TRIO: variants seen among roughly 807,000 people sequenced by gnomAD.
TRIO encodes the protein triple functional domain protein.
TRIO carries 58 observed loss-of-function variants against 351.9 expected under a neutral mutation model. The observed-to-expected ratio is 0.16, with a 90% CI of 0.13 to 0.21. TRIO has a LOEUF of 0.21. Ranked by LOEUF, TRIO falls within the 10% of genes least tolerant of loss-of-function variation. The probability of loss-of-function intolerance (pLI) is 1.00; values close to 1 mark genes in which losing one functional copy is unlikely to be tolerated. For missense variants in TRIO, 3,201 were observed against 4,027.8 expected, an observed-to-expected ratio of 0.79 and a Z score of 5.56; for synonymous variants, 1,758 against 1,595.7, an observed-to-expected ratio of 1.10 and a Z score of -2.42.
chr5:14,159,649 A>G (rs181588228), intron 1 of TRIO, among the ~76,000 whole-genome samples: 47 of 151,534 alleles, frequency 3.1e-4, no homozygotes, highest in Middle Eastern at 3.4e-3. Flanking sequence ...GCTCACTGCA[A>G]CCTCCATCTC....
At chr5:14,339,361 T>G (rs1741727614) in intron 11 of TRIO, among the ~76,000 whole-genome samples, 1 of 152,236 alleles carries the variant, frequency 6.6e-6, no homozygotes, top group African/African-American at 2.4e-5. Flanking sequence ...GAGTCTGTAT[T>G]GTCACTAGGT....
chr5:14,199,910 C>T (rs1561193427), intron 1 of TRIO, among the ~76,000 whole-genome samples: 1 of 152,056 alleles, frequency 6.6e-6, no homozygotes, highest in Non-Finnish European at 1.5e-5. Flanking sequence ...TAGAATGAGC[C>T]GAGACAGACT....
chr5:14,223,672 C>CG (rs1351351355), intron 1 of TRIO, among the ~76,000 whole-genome samples: 4 of 152,158 alleles, frequency 2.6e-5, no homozygotes, highest in African/African-American at 9.7e-5. Flanking sequence ...GCCAAGTTTC[C>CG]GGGAAGCAGG....
chr5:14,312,562 T>C (rs1390427991), intron 8 of TRIO, among the ~76,000 whole-genome samples: 1 of 152,230 alleles, frequency 6.6e-6, no homozygotes, highest in Non-Finnish European at 1.5e-5. Context: ...TCAAAAATTA[T>C]TATAGGAAAG....
intron 31 of TRIO, among the ~76,000 whole-genome samples, chr5:14,403,800 T>A (rs1226841700): frequency 4.7e-5 from 5 of 105,596 alleles, no homozygotes; most frequent in Admixed American, 9.3e-5. Flanking sequence ...TAGGTTGTGG[T>A]GGTGAGGGTG....
At chr5:14,498,055 C>G in intron 51 of TRIO, 34 bp from the exon 52 acceptor site, 5 of 1,613,796 alleles carry the variant, frequency 3.1e-6, no homozygotes, top group Non-Finnish European at 4.2e-6. Context: ...GGAGCCAGGG[C>G]TGATGGGCCT....
chr5:14,256,842 C>T (rs1469725096), intron 1 of TRIO, among the ~76,000 whole-genome samples: 1 of 152,224 alleles, frequency 6.6e-6, no homozygotes, highest in African/African-American at 2.4e-5. Flanking sequence ...ACAAAACCAT[C>T]TGGCCTGGCT....
At chr5:14,486,511 C>T (rs915885517) in intron 47 of TRIO, among the ~76,000 whole-genome samples, 1 of 152,146 alleles carries the variant, frequency 6.6e-6, no homozygotes, top group Non-Finnish European at 1.5e-5. Context: ...TCCTCAGGTG[C>T]GAAGAGGTTC....
chr5:14,273,161 T>C (rs1045591151), intron 2 of TRIO, among the ~76,000 whole-genome samples: 16 of 152,204 alleles, frequency 1.1e-4, no homozygotes, highest in Admixed American at 6.5e-5. Context: ...TATTAGGGAA[T>C]ATTATGATAC....
chr5:14,347,810 T>C (rs1436130621), intron 11 of TRIO, among the ~76,000 whole-genome samples: 1 of 152,188 alleles, frequency 6.6e-6, no homozygotes, highest in Non-Finnish European at 1.5e-5. Flanking sequence ...GGAAGGTGTG[T>C]GTATCAAATC....
intron 1 of TRIO, among the ~76,000 whole-genome samples, chr5:14,160,189 T>C (rs1488649312): frequency 6.6e-6 from 1 of 152,180 alleles, no homozygotes; most frequent in Non-Finnish European, 1.5e-5. Context: ...GTTATATACA[T>C]TAAGAACACG....
chr5:14,185,136 A>T (rs1581301221), intron 1 of TRIO, among the ~76,000 whole-genome samples: 1 of 133,382 alleles, frequency 7.5e-6, no homozygotes. Flanking sequence ...CACTTCCCCC[A>T]TAAAATTCGC....
At position 14,363,694 on chromosome 5, in the gene TRIO, A is replaced by G. The variant is rs150817739; in HGVS notation, c.2392-38A>G. On this transcript the variant is annotated intron_variant, in intron 13 of 56. Transcript: ENST00000344204. ...TACAGAGTGAGAGGTGGCTGCATGT[A>G]TATTTTTTTTGTCTTGATCTTAAAT... is the stretch of plus-strand genomic sequence containing the variant. 1,220 of 1,591,160 alleles carry G rather than the reference A, an allele frequency of 7.7e-4. 4 individuals are homozygous for G. In the African/African-American group the frequency reaches 0.014, roughly 18 times the overall value.
At chr5:14,344,052 C>T (rs762159659) in intron 11 of TRIO, among the ~76,000 whole-genome samples, 11 of 152,172 alleles carry the variant, frequency 7.2e-5, no homozygotes, top group African/African-American at 1.4e-4. Flanking sequence ...TATTTAGCTG[C>T]GCTCTTTAGT....
At chr5:14,473,561 A>G (rs1227773787) in intron 39 of TRIO, among the ~76,000 whole-genome samples, 2 of 152,252 alleles carry the variant, frequency 1.3e-5, no homozygotes, top group East Asian at 1.9e-4. Flanking sequence ...ATCAGTTTAT[A>G]AAAAGAATAT....
chr5:14,205,933 T>C (rs1288620470), intron 1 of TRIO, among the ~76,000 whole-genome samples: 1 of 152,196 alleles, frequency 6.6e-6, no homozygotes, highest in East Asian at 1.9e-4. Flanking sequence ...GGTTTCACCA[T>C]GTTGGCCAGG....
chr5:14,387,808 A>G lies in TRIO; in HGVS notation c.3842A>G (p.Glu1281Gly), dbSNP rs373162656. The change falls in exon 23 of 57, where the codon GAA becomes GGA. Residue 1281 changes from glutamate to glycine, a missense_variant. Coordinates refer to ENST00000344204, the MANE Select transcript of TRIO (RefSeq NM_007118.4). ...GTGAAACTTCGAGATGCTGCTCATG[A>G]ACTTAATGAAGAGAAGCGGAAATCT... ...SEVKLRDAAH[E>G]LNEEKRKSAR... 1 of 1,614,102 alleles carries G rather than the reference A, an allele frequency of 6.2e-7. No individual in the cohort carries two copies. The highest frequency in any genetic ancestry group is 1.3e-5 in the African/African-American group (1 of 74,934).
At chr5:14,281,129 G>A (rs1735955313) in intron 3 of TRIO, among the ~76,000 whole-genome samples, 1 of 152,052 alleles carries the variant, frequency 6.6e-6, no homozygotes, top group Admixed American at 6.5e-5. Context: ...AACTGGTGGA[G>A]GAAATTTCCT....
At chr5:14,473,181 T>A (rs1246811737) in intron 39 of TRIO, among the ~76,000 whole-genome samples, 1 of 152,208 alleles carries the variant, frequency 6.6e-6, no homozygotes, top group Non-Finnish European at 1.5e-5. Flanking sequence ...ACTGTAGCCA[T>A]AGCAAACCAC....
Sources: gnomAD v4.1 joint callset for allele counts (sites outside exome capture counted in the v4.1 genomes callset) on GRCh38, gnomAD v4.1.1 for gene constraint, MANE v1.5 for transcripts, NCBI Gene and HGNC (gene_info 2026-07-23, HGNC 2026-07-21) for gene names.